Variants in GMDS observed in about 807,000 individuals in gnomAD.
GMDS encodes GDP-mannose 4,6-dehydratase.
In GMDS, 20 loss-of-function variants were observed where a neutral mutation model predicts 49.9. That is an observed-to-expected ratio of 0.40 (90% confidence interval 0.28 to 0.58). GMDS has a LOEUF of 0.58. Ranked by LOEUF, GMDS falls within the 20% of genes least tolerant of loss-of-function variation. GMDS has a pLI of 0.42. For missense variants in GMDS, 362 were observed against 481.4 expected, an observed-to-expected ratio of 0.75 and a Z score of 2.32; for synonymous variants, 177 against 178.6, an observed-to-expected ratio of 0.99 and a Z score of 0.07.
At chr6:1,923,449 C>G (rs1392429636) in intron 7 of GMDS, among the ~76,000 whole-genome samples, 2 of 152,216 alleles carry the variant, frequency 1.3e-5, no homozygotes, top group Non-Finnish European at 2.9e-5. Flanking sequence ...GCTTCAGGGT[C>G]ACAGGCACCC....
intron 7 of GMDS, among the ~76,000 whole-genome samples, chr6:1,801,440 T>TTGTTGG (rs1769946025): frequency 6.6e-6 from 1 of 152,222 alleles, no homozygotes; most frequent in Non-Finnish European, 1.5e-5. Context: ...CAGAGATTCA[T>TTGTTGG]ACCCTTTGAA....
chr6:1,938,990 C>T lies in GMDS; in HGVS notation c.644-8760G>A, dbSNP rs560178884. ...CTCCCCTCCCCTCCCCTCCTCTCTCCTCTCCTCTCCTCTTCTCTTCTCTCT... is the reference window on the plus strand; with the variant it reads ...CTCCCCTCCCCTCCCCTCCTCTCTCTTCTCCTCTCCTCTTCTCTTCTCTCT... On this transcript the variant is annotated intron_variant, in intron 6 of 10. Coordinates refer to ENST00000380815, the MANE Select transcript of GMDS (RefSeq NM_001500.4). 6.5e-5 allele frequency among the ~76,000 whole-genome samples: 9 copies of T among 138,648 alleles called. No homozygotes were observed. In the South Asian group the frequency reaches 2.3e-3, roughly 35 times the overall value. 91.0% of individuals were successfully genotyped at this position (138,648 alleles called of 152,430 possible).
chr6:2,102,314 T>C (rs1773972866), intron 4 of GMDS, among the ~76,000 whole-genome samples: 1 of 152,188 alleles, frequency 6.6e-6, no homozygotes, highest in Non-Finnish European at 1.5e-5. Flanking sequence ...CAACATTTAA[T>C]TATTCATGCA....
At chr6:1,910,826 C>T (rs1487600419) in intron 7 of GMDS, among the ~76,000 whole-genome samples, 1 of 152,160 alleles carries the variant, frequency 6.6e-6, no homozygotes, top group Non-Finnish European at 1.5e-5. Context: ...GAGGCCAATG[C>T]CCTCCAGGAA....
chr6:2,235,018 T>C (rs922045250), intron 1 of GMDS, among the ~76,000 whole-genome samples: 8 of 151,834 alleles, frequency 5.3e-5, no homozygotes, highest in African/African-American at 1.9e-4. Context: ...CCAGGTACTC[T>C]GGAGGCTGAG....
intron 7 of GMDS, among the ~76,000 whole-genome samples, chr6:1,840,556 G>C (rs1266888315): frequency 1.3e-5 from 2 of 152,192 alleles, no homozygotes; most frequent in Non-Finnish European, 2.9e-5. Flanking sequence ...CCCCAGCAGA[G>C]AGGAAAGAGG....
At chr6:1,964,934 T>G (rs1179393968) in intron 4 of GMDS, among the ~76,000 whole-genome samples, 1 of 152,190 alleles carries the variant, frequency 6.6e-6, no homozygotes, top group Non-Finnish European at 1.5e-5. Flanking sequence ...TGGTTTTTTG[T>G]CCTTGTAATA....
At chr6:1,777,574 G>A (rs193210747) in intron 7 of GMDS, among the ~76,000 whole-genome samples, 2 of 152,298 alleles carry the variant, frequency 1.3e-5, no homozygotes, top group Admixed American at 6.5e-5. Flanking sequence ...AGAGTTTCCC[G>A]AGATTGTAAT....
At chr6:2,132,447 G>T (rs536417454) in intron 1 of GMDS, among the ~76,000 whole-genome samples, 14 of 152,268 alleles carry the variant, frequency 9.2e-5, no homozygotes, top group African/African-American at 3.1e-4. Flanking sequence ...GTCTAGATAG[G>T]ATTATGTTTC....
intron 7 of GMDS, among the ~76,000 whole-genome samples, chr6:1,816,322 A>G (rs894967507): frequency 7.9e-5 from 12 of 152,206 alleles, no homozygotes; most frequent in African/African-American, 2.9e-4. Flanking sequence ...TATTTTTATG[A>G]CTGCCAGATA....
At chr6:1,842,017 G>A (rs969622362) in intron 7 of GMDS, among the ~76,000 whole-genome samples, 5 of 152,122 alleles carry the variant, frequency 3.3e-5, no homozygotes, top group Non-Finnish European at 7.4e-5. Flanking sequence ...GACACACATG[G>A]ACTCTTCCCC....
At chr6:1,852,237 A>G (rs1369023060) in intron 7 of GMDS, among the ~76,000 whole-genome samples, 1 of 152,228 alleles carries the variant, frequency 6.6e-6, no homozygotes, top group Admixed American at 6.5e-5. Context: ...TCAAAGCCAC[A>G]GGCCTCAAGA....
intron 4 of GMDS, among the ~76,000 whole-genome samples, chr6:2,087,699 G>A (rs1465074209): frequency 2.0e-5 from 3 of 152,194 alleles, no homozygotes; most frequent in Non-Finnish European, 4.4e-5. Flanking sequence ...TTGCTTGAAT[G>A]TTGTTCACTT....
intron 7 of GMDS, among the ~76,000 whole-genome samples, chr6:1,756,868 G>A (rs569483114): frequency 1.3e-5 from 2 of 152,320 alleles, no homozygotes; most frequent in South Asian, 2.1e-4. Flanking sequence ...TAAGGCCTTG[G>A]CCTGGAAGCT....
At chr6:2,135,669 C>T (rs1016084695) in intron 1 of GMDS, among the ~76,000 whole-genome samples, 2 of 152,166 alleles carry the variant, frequency 1.3e-5, no homozygotes, top group African/African-American at 4.8e-5. Context: ...TCACTACATA[C>T]TTCTCACATT....
At chr6:1,763,012 G>C (rs1031039031) in intron 7 of GMDS, among the ~76,000 whole-genome samples, 2 of 152,224 alleles carry the variant, frequency 1.3e-5, no homozygotes, top group African/African-American at 4.8e-5. Flanking sequence ...AATGTTTAGT[G>C]TACTTTTACT....
At chr6:1,993,089 C>T (rs574941886) in intron 4 of GMDS, among the ~76,000 whole-genome samples, 2 of 152,262 alleles carry the variant, frequency 1.3e-5, no homozygotes, top group African/African-American at 4.8e-5. Context: ...TAGATTCTCT[C>T]GGGAACGCTC....
At chr6:2,223,923 T>G (rs1240318796) in intron 1 of GMDS, among the ~76,000 whole-genome samples, 1 of 151,346 alleles carries the variant, frequency 6.6e-6, no homozygotes, top group Non-Finnish European at 1.5e-5. Flanking sequence ...TAGGAGAGAG[T>G]CAGGAATGGT....
chr6:2,244,759 C>A (rs1781783016), intron 1 of GMDS, among the ~76,000 whole-genome samples: 1 of 151,940 alleles, frequency 6.6e-6, no homozygotes. Context: ...TTTTTAAGTT[C>A]TTTTTCCTAA....
Sources: gnomAD v4.1 joint callset for allele counts (sites outside exome capture counted in the v4.1 genomes callset) on GRCh38, gnomAD v4.1.1 for gene constraint, MANE v1.5 for transcripts, NCBI Gene and HGNC (gene_info 2026-07-23, HGNC 2026-07-21) for gene names.